LINGO2: variants seen among roughly 807,000 people sequenced by gnomAD.
The protein encoded by LINGO2 is leucine rich repeat and Ig domain containing 2.
Under a neutral mutation model 30.6 loss-of-function variants are expected in LINGO2, and 14 were observed. The ratio of observed to expected loss-of-function variants is 0.46; its 90% CI spans 0.30 to 0.72. LINGO2 has a LOEUF of 0.72. Among genes scored for constraint, LINGO2 ranks in the 30% least tolerant of loss-of-function variants. The probability of loss-of-function intolerance (pLI) is 0.07; values close to 1 mark genes in which losing one functional copy is unlikely to be tolerated. For synonymous variants in LINGO2, 317 were observed against 288.5 expected (o/e 1.10, Z -1.00); for missense variants, 729 against 751.7 (o/e 0.97, Z 0.35).
intron 4 of LINGO2, among the ~76,000 whole-genome samples, chr9:28,019,157 T>C (rs1379636784): frequency 6.6e-6 from 1 of 151,940 alleles, no homozygotes; most frequent in Non-Finnish European, 1.5e-5. Flanking sequence ...GCACTGAAAA[T>C]CTACCTATTG....
At chr9:28,010,852 G>A (rs565296346) in intron 5 of LINGO2, among the ~76,000 whole-genome samples, 2 of 152,184 alleles carry the variant, frequency 1.3e-5, no homozygotes, top group Admixed American at 6.5e-5. Flanking sequence ...CTACTGGGGA[G>A]GCCGAGGTGG....
chr9:28,996,580 T>C, the LINGO2 span, among the ~76,000 whole-genome samples: 2 of 152,204 alleles, frequency 1.3e-5, no homozygotes, highest in Non-Finnish European at 2.9e-5. Flanking sequence ...GGAACACCTA[T>C]ACTTTTCAAG....
At chr9:28,602,100 C>T (rs1433180744) in intron 1 of LINGO2, among the ~76,000 whole-genome samples, 2 of 151,950 alleles carry the variant, frequency 1.3e-5, no homozygotes, top group Non-Finnish European at 2.9e-5. Flanking sequence ...GGCTAAGAAA[C>T]CAAGCAAAGT....
chr9:29,157,501 A>G, the LINGO2 span, among the ~76,000 whole-genome samples: 1 of 152,204 alleles, frequency 6.6e-6, no homozygotes, highest in Non-Finnish European at 1.5e-5. Context: ...AACTGAAGAC[A>G]GATTGTGGCA....
chr9:28,445,300 C>T (rs1824377853), intron 2 of LINGO2, among the ~76,000 whole-genome samples: 2 of 152,132 alleles, frequency 1.3e-5, no homozygotes, highest in Admixed American at 6.5e-5. Flanking sequence ...TGCCATGTTC[C>T]TCACATTGTC....
At chr9:28,605,650 T>G (rs541801619) in intron 1 of LINGO2, among the ~76,000 whole-genome samples, 13 of 151,704 alleles carry the variant, frequency 8.6e-5, no homozygotes, top group Admixed American at 2.7e-4. Flanking sequence ...AAGTTAAGCT[T>G]CTTCTTCTTC....
chr9:28,561,657 AAT>A (rs1359863538), intron 1 of LINGO2, among the ~76,000 whole-genome samples: 1 of 135,250 alleles, frequency 7.4e-6, no homozygotes, highest in African/African-American at 2.7e-5. Flanking sequence ...ATATATGTAT[AAT>A]ATATATAAAT....
At chr9:28,651,665 C>T (rs1828108181) in intron 1 of LINGO2, among the ~76,000 whole-genome samples, 1 of 150,854 alleles carries the variant, frequency 6.6e-6, no homozygotes, top group Admixed American at 6.8e-5. Flanking sequence ...TTTAGTAAAA[C>T]TTGTTATTTA....
At chr9:28,448,789 G>A (rs1224959063) in intron 2 of LINGO2, among the ~76,000 whole-genome samples, 1 of 152,052 alleles carries the variant, frequency 6.6e-6, no homozygotes, top group African/African-American at 2.4e-5. Flanking sequence ...GGAGAAAACA[G>A]TACAGCAAAT....
Position 28,056,383 on chromosome 9 carries a change from C to T in LINGO2, c.-86-43978G>A, listed in dbSNP as rs555520967. On this transcript the variant is annotated intron_variant, in intron 4 of 5. Coordinates refer to ENST00000379992, the Ensembl canonical transcript of LINGO2. ...CTCCAGTGGTATATTCAGTAGATCA[C>T]GACCCTCATTCTTTCAGCCTCCATC... Among the ~76,000 whole-genome samples, 100 of 152,220 alleles carry T rather than the reference C, an allele frequency of 6.6e-4. 1 individual carries two copies. The South Asian group carries it at 0.019, about 29-fold the overall frequency.
chr9:28,015,647 A>G (rs964027136), intron 4 of LINGO2, among the ~76,000 whole-genome samples: 2 of 152,142 alleles, frequency 1.3e-5, no homozygotes, highest in Non-Finnish European at 2.9e-5. Flanking sequence ...TGTCCCTGAA[A>G]GGGTAATGAT....
chr9:28,980,074 C>A, the LINGO2 span, among the ~76,000 whole-genome samples: 1 of 152,120 alleles, frequency 6.6e-6, no homozygotes, highest in African/African-American at 2.4e-5. Context: ...GCCCTTCCAA[C>A]AGTGTTTACA....
chr9:28,182,697 A>G (rs2133718975), intron 4 of LINGO2, among the ~76,000 whole-genome samples: 1 of 152,336 alleles, frequency 6.6e-6, no homozygotes, highest in Middle Eastern at 3.4e-3. Context: ...GCCAACAAAC[A>G]TGAAAAAAAG....
intron 5 of LINGO2, among the ~76,000 whole-genome samples, chr9:27,969,001 A>G (rs574701465): frequency 6.6e-6 from 1 of 152,014 alleles, no homozygotes; most frequent in South Asian, 2.1e-4. Flanking sequence ...TTTTGAAATC[A>G]TAGGGAATCA....
At chr9:28,206,331 A>G (rs1441228791) in intron 4 of LINGO2, among the ~76,000 whole-genome samples, 2 of 152,136 alleles carry the variant, frequency 1.3e-5, no homozygotes, top group Non-Finnish European at 2.9e-5. Flanking sequence ...CATCTCCAAG[A>G]GTAGTATGTC....
chr9:28,863,788 T>C, the LINGO2 span: 1 of 369,154 alleles, frequency 2.7e-6, no homozygotes, highest in African/African-American at 2.0e-5. Flanking sequence ...TATTTCCATC[T>C]AGTTCACAAT....
At chr9:27,986,982 AGGTGGG>A (rs545793937) in intron 5 of LINGO2, among the ~76,000 whole-genome samples, 162 of 151,960 alleles carry the variant, frequency 1.1e-3, no homozygotes, top group African/African-American at 3.8e-3. Context: ...TATGGAGATA[AGGTGGG>A]GAATAGTAAT....
chr9:28,667,841 C>T (rs1747338585), intron 1 of LINGO2, among the ~76,000 whole-genome samples: 1 of 152,160 alleles, frequency 6.6e-6, no homozygotes, highest in Non-Finnish European at 1.5e-5. Context: ...AAATGTTCTT[C>T]TTCAACTGTG....
chr9:29,041,219 T>C, the LINGO2 span, among the ~76,000 whole-genome samples: 6 of 152,016 alleles, frequency 3.9e-5, no homozygotes, highest in Non-Finnish European at 8.8e-5. Context: ...ACTACATTCA[T>C]AGACTGTAAG....
Sources: allele counts gnomAD v4.1 joint callset (sites outside exome capture counted in the v4.1 genomes callset), GRCh38; gene constraint gnomAD v4.1.1; transcripts MANE v1.5; gene names NCBI Gene and HGNC (gene_info 2026-07-23, HGNC 2026-07-21).